GGT5: variants seen among roughly 807,000 people sequenced by gnomAD.
GGT5 encodes the protein gamma-glutamyltransferase 5, also known as glutathione hydrolase 5 proenzyme.
A neutral mutation model predicts 58.1 loss-of-function variants in GGT5; 50 were observed. That is an observed-to-expected ratio of 0.86 (90% confidence interval 0.69 to 1.09). GGT5 has a LOEUF of 1.09. Among genes scored for constraint, GGT5 ranks in the 50% least tolerant of loss-of-function variants. GGT5 has a pLI of 0.00. For missense variants in GGT5, 800 were observed against 789.4 expected, an observed-to-expected ratio of 1.01 and a Z score of -0.16; for synonymous variants, 370 against 346.1, an observed-to-expected ratio of 1.07 and a Z score of -0.77.
At chr22:24,230,926 G>T (rs1601398836) in intron 6 of GGT5, among the ~76,000 whole-genome samples, 1 of 152,214 alleles carries the variant, frequency 6.6e-6, no homozygotes, top group East Asian at 1.9e-4. Flanking sequence ...AAGCCACCAA[G>T]CTTGTGGTGA....
At chr22:24,227,836 G>A (rs1186669782) in intron 6 of GGT5, among the ~76,000 whole-genome samples, 2 of 151,760 alleles carry the variant, frequency 1.3e-5, no homozygotes, top group African/African-American at 4.8e-5. Flanking sequence ...CCGAGGCTGA[G>A]GTCAGGAGTT....
intron 11 of GGT5, among the ~76,000 whole-genome samples, chr22:24,221,709 G>A (rs941619354): frequency 2.0e-5 from 3 of 151,902 alleles, no homozygotes; most frequent in African/African-American, 2.4e-5. Flanking sequence ...ACAGGTTTTC[G>A]CCATGTTGGC....
chr22:24,244,414 A>G (rs1327343138), intron 1 of GGT5, 139 bp downstream of exon 1: 1 of 734,744 alleles, frequency 1.4e-6, no homozygotes, highest in African/African-American at 1.8e-5. Context: ...ACACCCACAC[A>G]TGCATGCAAT....
chr22:24,244,326 C>T, intron 1 of GGT5: 1 of 558,254 alleles, frequency 1.8e-6, no homozygotes, highest in Non-Finnish European at 3.2e-6. Context: ...CCCACCCACA[C>T]ATACACATAC....
chr22:24,227,922 G>T (rs2047815316), intron 6 of GGT5, among the ~76,000 whole-genome samples: 1 of 151,676 alleles, frequency 6.6e-6, no homozygotes, highest in Non-Finnish European at 1.5e-5. Context: ...GATGGTGGGT[G>T]CCTGTAACCC....
At chr22:24,244,295 G>GCGCA (rs1556060769) in intron 1 of GGT5, 9 of 401,312 alleles carry the variant, frequency 2.2e-5, no homozygotes, top group African/African-American at 1.9e-4. Flanking sequence ...CAGTGCACGT[G>GCGCA]CACACACACA....
chr22:24,226,775 G>C lies in GGT5; in HGVS notation c.902-8C>G. 1.2e-6 allele frequency: 2 copies of C among 1,613,878 alleles called. No individual in the cohort carries two copies. Among genetic ancestry groups the C allele is most frequent in the Non-Finnish European group, 1.7e-6 (2 of 1,179,806 alleles). On this transcript the variant is annotated splice_polypyrimidine_tract_variant and splice_region_variant and intron_variant, in intron 6 of 11. Transcript: ENST00000327365. ...CTGTTGAGAAGTTGAACCCTGGAGA[G>C]AGGTTGGGGCACAGGTTGGTTGGGG...
intron 2 of GGT5, 129 bp from the exon 3 acceptor site, chr22:24,233,722 A>G (rs2048018837): frequency 2.2e-6 from 2 of 891,490 alleles, no homozygotes; most frequent in Non-Finnish European, 3.5e-6. Flanking sequence ...GAGTTGACAC[A>G]AGGGCTTTGC....
intron 11 of GGT5, among the ~76,000 whole-genome samples, chr22:24,223,455 G>C (rs1178573520): frequency 6.6e-6 from 1 of 152,100 alleles, no homozygotes; most frequent in Non-Finnish European, 1.5e-5. Flanking sequence ...ATGTGCCCTG[G>C]ATCTTGAAAT....
intron 1 of GGT5, 160 bp downstream of exon 1, chr22:24,244,393 T>C (rs2048413713): frequency 6.0e-6 from 4 of 662,298 alleles, no homozygotes; most frequent in South Asian, 1.8e-5. Flanking sequence ...CACACTCACA[T>C]ACACTCACAC....
chr22:24,225,772 C>T (rs1482920572), intron 8 of GGT5, 120 bp from the exon 9 acceptor site: 8 of 706,140 alleles, frequency 1.1e-5, no homozygotes, highest in South Asian at 3.1e-5. Flanking sequence ...ATGCTGAAGC[C>T]GCTATTCTCT....
At chr22:24,236,898 G>A (rs2048113931) in intron 1 of GGT5, among the ~76,000 whole-genome samples, 1 of 152,010 alleles carries the variant, frequency 6.6e-6, no homozygotes, top group Non-Finnish European at 1.5e-5. Flanking sequence ...ATAGGAGGCA[G>A]AGAAGTACAG....
chr22:24,224,334 A>G (rs1344071772), intron 11 of GGT5, among the ~76,000 whole-genome samples: 1 of 151,946 alleles, frequency 6.6e-6, no homozygotes, highest in Non-Finnish European at 1.5e-5. Context: ...ACATGGTGAG[A>G]GACCCTGTTT....
In GGT5 at chr22:24,223,077, G is replaced by A. The variant is rs577479766; in HGVS notation, c.1614+1919C>T. Among the ~76,000 whole-genome samples, 83 of 148,560 alleles carry A rather than the reference G, an allele frequency of 5.6e-4. 1 individual carries two copies. In the South Asian group the frequency reaches 0.016, roughly 28 times the overall value. On this transcript the variant is annotated intron_variant, in intron 11 of 11. Transcript: ENST00000327365. ...TGCACGCCAGCCTGGGCAACAGAGC[G>A]AGACTCCGTCTCAAAAAAAAGAAAA...
chr22:24,244,321 C>A lies in GGT5; in HGVS notation c.173+232G>T, dbSNP rs868480466. ...CACACACACACACACACACACCCAC[C>A]CACACATACACATACCCACACACAA... is the stretch of plus-strand genomic sequence containing the variant. On this transcript the variant is annotated intron_variant, in intron 1 of 11. Coordinates refer to ENST00000327365, the MANE Select transcript of GGT5 (RefSeq NM_004121.5). 1.4e-3 allele frequency: 705 copies of A among 496,694 alleles called. 2 individuals are homozygous for A. The highest frequency in any genetic ancestry group is 4.1e-3 in the East Asian group (125 of 30,674). The allele number at this position is 496,694 out of a possible 1,614,324, so 30.8% of individuals were successfully genotyped here. A position where few individuals can be genotyped will look rare whatever the true frequency, so the allele number is the denominator to read the frequency against.
In GGT5 at chr22:24,226,231, G is replaced by A; in HGVS notation, c.1074C>T (p.Ala358=). The A allele has an allele frequency of 6.2e-7, 1 of 1,608,264 alleles. No individual in the cohort carries two copies. ...ASRDLLGETL[A]QLIRQQIDGR... ...CATCGATCTGTTGGCGGATGAGCTGGGCCAGGGTCTCCCCCAGCAGGTCCC... is the reference window on the plus strand; with the variant it reads ...CATCGATCTGTTGGCGGATGAGCTGAGCCAGGGTCTCCCCCAGCAGGTCCC... The change falls in exon 8 of 12, where the codon GCC becomes GCT. Residue 358 remains alanine (A), a synonymous_variant. Coordinates refer to ENST00000327365, the MANE Select transcript of GGT5 (RefSeq NM_004121.5).
chr22:24,233,757 C>A, intron 2 of GGT5, 117 bp downstream of exon 2: 2 of 1,064,654 alleles, frequency 1.9e-6, no homozygotes, highest in Admixed American at 3.8e-5. Context: ...TGGGGCAGGG[C>A]AGGGGGCCCA....
Position 24,219,869 on chromosome 22 carries a change from G to A in GGT5, c.*101C>T. 8.4e-7 allele frequency: 1 copy of A among 1,195,288 alleles called. No individual in the cohort carries two copies. Among genetic ancestry groups the A allele is most frequent in the African/African-American group, 1.5e-5 (1 of 66,178 alleles). 74.0% of individuals were successfully genotyped at this position (1,195,288 alleles called of 1,614,324 possible). ...CACTCTCAGCTGGACTCCCCTGCCA[G>A]GGGTCCAGATCCTGCCAGAGTAGTT... On this transcript the variant is annotated 3_prime_UTR_variant, in exon 12 of 12. Coordinates refer to ENST00000327365, the MANE Select transcript of GGT5 (RefSeq NM_004121.5).
At chr22:24,233,696 G>T (rs2048017995) in intron 2 of GGT5, 103 bp from the exon 3 acceptor site, 4 of 864,396 alleles carry the variant, frequency 4.6e-6, no homozygotes, top group Non-Finnish European at 7.3e-6. Context: ...TGGACTCTGG[G>T]CTAACACAGG....
Sources: gnomAD v4.1 joint callset for allele counts (sites outside exome capture counted in the v4.1 genomes callset) on GRCh38, gnomAD v4.1.1 for gene constraint, MANE v1.5 for transcripts, NCBI Gene and HGNC (gene_info 2026-07-23, HGNC 2026-07-21) for gene names.